The following DGKG variants were observed in gnomAD, a reference collection of about 807,000 sequenced individuals.
The protein encoded by DGKG is DAG kinase gamma.
DGKG carries 78 observed loss-of-function variants against 105.3 expected under a neutral mutation model. The ratio of observed to expected loss-of-function variants is 0.74; its 90% CI spans 0.62 to 0.89. The LOEUF is 0.89. DGKG is among the 40% of genes least tolerant of loss of function. DGKG has a pLI of 0.00. For missense variants in DGKG, 958 were observed against 1,020.1 expected (o/e 0.94, Z 0.83); for synonymous variants, 346 against 367.1 (o/e 0.94, Z 0.66).
intron 2 of DGKG, among the ~76,000 whole-genome samples, chr3:186,312,383 A>G (rs1724597402): frequency 6.6e-6 from 1 of 152,140 alleles, no homozygotes; most frequent in Non-Finnish European, 1.5e-5. Context: ...GGACTGGGCC[A>G]CAGCCTGAGA....
chr3:186,353,014 T>A (rs550456140), intron 1 of DGKG, among the ~76,000 whole-genome samples: 1 of 152,136 alleles, frequency 6.6e-6, no homozygotes, highest in African/African-American at 2.4e-5. Context: ...TGACTCACAG[T>A]TTTTGCTCCA....
intron 14 of DGKG, among the ~76,000 whole-genome samples, chr3:186,263,992 CA>C (rs940568427): frequency 6.6e-6 from 1 of 152,192 alleles, no homozygotes; most frequent in African/African-American, 2.4e-5. Context: ...ATGTGATGCC[CA>C]GAAGCATCTT....
At chr3:186,336,454 TA>T (rs1282894516) in intron 1 of DGKG, among the ~76,000 whole-genome samples, 1 of 152,190 alleles carries the variant, frequency 6.6e-6, no homozygotes, top group African/African-American at 2.4e-5. Flanking sequence ...GAGCAATGCT[TA>T]AAGGACACTT....
chr3:186,243,922 G>GTTTTTTTTT (rs1720811260), intron 19 of DGKG, among the ~76,000 whole-genome samples: 1 of 128,106 alleles, frequency 7.8e-6, no homozygotes, highest in African/African-American at 3.8e-5. Flanking sequence ...TTGAGATGGA[G>GTTTTTTTTT]TTTTGCTCTT....
intron 10 of DGKG, among the ~76,000 whole-genome samples, chr3:186,273,240 G>A (rs1313825271): frequency 6.6e-6 from 1 of 152,038 alleles, no homozygotes; most frequent in Non-Finnish European, 1.5e-5. Context: ...CATTATTGCT[G>A]TTGTTTTTAC....
At chr3:186,265,183 T>C (rs3815619) in intron 14 of DGKG, 64 bp downstream of exon 14, 746,596 of 1,522,488 alleles carry the variant, frequency 0.49, 187,765 homozygotes, top group East Asian at 0.59. Flanking sequence ...CCAAACCCCG[T>C]CTTGCCCGCC....
At chr3:186,202,510 G>T (rs1255636605) in intron 21 of DGKG, among the ~76,000 whole-genome samples, 1 of 152,204 alleles carries the variant, frequency 6.6e-6, no homozygotes, top group African/African-American at 2.4e-5. Context: ...TCCCATGTGT[G>T]GTGATGAAGA....
chr3:186,264,848 G>A (rs1721967238), intron 14 of DGKG, among the ~76,000 whole-genome samples: 1 of 152,196 alleles, frequency 6.6e-6, no homozygotes, highest in South Asian at 2.1e-4. Context: ...TAAGGATTAA[G>A]AAGAACTTTT....
At chr3:186,317,395 TC>T (rs1291384457) in intron 2 of DGKG, among the ~76,000 whole-genome samples, 5 of 152,162 alleles carry the variant, frequency 3.3e-5, no homozygotes, top group African/African-American at 1.2e-4. Flanking sequence ...GACTGACCCC[TC>T]ATTTCCACTC....
At position 186,204,279 on chromosome 3, in the gene DGKG, G is replaced by A. The variant is rs187768107; in HGVS notation, c.1917+7516C>T. The stretch of plus-strand genomic sequence containing the variant: ...ACATTAGCCAGGCATTGTGGTGTGT[G>A]CCTGTAATCCCAGCTACTTGGGAGG... On this transcript the variant is annotated intron_variant, in intron 21 of 24. Coordinates refer to ENST00000265022, the MANE Select transcript of DGKG (RefSeq NM_001346.3). Among the ~76,000 whole-genome samples, 14 of 152,230 alleles carry A rather than the reference G, an allele frequency of 9.2e-5. No individual in the cohort carries two copies. In the East Asian group the frequency reaches 1.9e-3, roughly 21 times the overall value.
intron 22 of DGKG, among the ~76,000 whole-genome samples, chr3:186,170,494 T>G (rs937848867): frequency 3.9e-5 from 6 of 152,164 alleles, no homozygotes; most frequent in African/African-American, 1.4e-4. Context: ...CGTACTTAAG[T>G]TTGAGAACTT....
chr3:186,215,333 C>T (rs1211721092), intron 20 of DGKG, among the ~76,000 whole-genome samples: 1 of 151,388 alleles, frequency 6.6e-6, no homozygotes, highest in African/African-American at 2.4e-5. Context: ...ATTGCTTGAA[C>T]CCGGGAGGCG....
In DGKG at chr3:186,246,542, A is replaced by T. The variant is rs146996041; in HGVS notation, c.1762-3974T>A. On this transcript the variant is annotated intron_variant, in intron 19 of 24. Coordinates refer to ENST00000265022, the MANE Select transcript of DGKG (RefSeq NM_001346.3). ...ACGGAGATAAAAAGATGGAAAGGAGACCATAAGACAGATTATTTGAAATTG... is the reference window on the plus strand; with the variant it reads ...ACGGAGATAAAAAGATGGAAAGGAGTCCATAAGACAGATTATTTGAAATTG... 2.3e-3 allele frequency among the ~76,000 whole-genome samples: 347 copies of T among 152,290 alleles called. 5 individuals are homozygous for T. The highest frequency in any genetic ancestry group is 7.9e-3 in the African/African-American group (330 of 41,542).
chr3:186,304,229 C>G (rs1724117172), intron 3 of DGKG, among the ~76,000 whole-genome samples: 1 of 152,238 alleles, frequency 6.6e-6, no homozygotes, highest in Non-Finnish European at 1.5e-5. Flanking sequence ...AGGCTTTGTT[C>G]CCGTGTTTTT....
chr3:186,167,672 C>T (rs951426850), intron 22 of DGKG, among the ~76,000 whole-genome samples: 3 of 152,152 alleles, frequency 2.0e-5, no homozygotes, highest in Non-Finnish European at 4.4e-5. Context: ...GTGATTTTGG[C>T]AATTCATGTC....
At chr3:186,283,832 T>A (rs1722937076) in intron 7 of DGKG, among the ~76,000 whole-genome samples, 1 of 152,210 alleles carries the variant, frequency 6.6e-6, no homozygotes, top group African/African-American at 2.4e-5. Context: ...CCCTGGGGTT[T>A]AGAGGGAATT....
chr3:186,149,123 C>G lies in DGKG; in HGVS notation c.*967G>C. On this transcript the variant is annotated 3_prime_UTR_variant, in exon 25 of 25. Transcript: ENST00000265022. ...GGAGGGAACCGTCTCCTGGTTTCCCCAGCAAAGTTCCTTCCTTCCCATCTT... is the reference window on the plus strand; with the variant it reads ...GGAGGGAACCGTCTCCTGGTTTCCCGAGCAAAGTTCCTTCCTTCCCATCTT... 1.0e-6 allele frequency: 1 copy of G among 985,208 alleles called. No individual in the cohort carries two copies. The highest frequency in any genetic ancestry group is 1.2e-6 in the Non-Finnish European group (1 of 829,810). 61.0% of individuals were successfully genotyped at this position (985,208 alleles called of 1,614,324 possible).
intron 2 of DGKG, among the ~76,000 whole-genome samples, chr3:186,308,898 C>A (rs1379374745): frequency 6.6e-6 from 1 of 152,208 alleles, no homozygotes; most frequent in Non-Finnish European, 1.5e-5. Flanking sequence ...AAACTCTCCT[C>A]TACTAATCCA....
intron 20 of DGKG, among the ~76,000 whole-genome samples, chr3:186,239,102 G>C (rs945431676): frequency 4.6e-5 from 7 of 152,186 alleles, no homozygotes; most frequent in Non-Finnish European, 1.0e-4. Flanking sequence ...CCCAGGTTAA[G>C]AATTCTTGTT....
Sources: allele counts gnomAD v4.1 joint callset (sites outside exome capture counted in the v4.1 genomes callset), GRCh38; gene constraint gnomAD v4.1.1; transcripts MANE v1.5; gene names NCBI Gene and HGNC (gene_info 2026-07-23, HGNC 2026-07-21).